Variants in PRKAR2B observed in about 807,000 individuals in gnomAD.
PRKAR2B encodes protein kinase cAMP-dependent type II regulatory subunit beta.
Under a neutral mutation model 49.9 loss-of-function variants are expected in PRKAR2B, and 14 were observed. The observed-to-expected ratio is 0.28, with a 90% CI of 0.19 to 0.44. The LOEUF (loss-of-function observed/expected upper bound fraction) is 0.44, where lower values mean the gene tolerates loss of function less well. PRKAR2B is among the 20% of genes least tolerant of loss of function. The probability of loss-of-function intolerance (pLI) is 1.00; values close to 1 mark genes in which losing one functional copy is unlikely to be tolerated. For synonymous variants in PRKAR2B, 196 were observed against 197.7 expected, an observed-to-expected ratio of 0.99 and a Z score of 0.07; for missense variants, 393 against 537.9, an observed-to-expected ratio of 0.73 and a Z score of 2.67.
chr7:107,125,771 G>A (rs1795470933), intron 3 of PRKAR2B, among the ~76,000 whole-genome samples: 1 of 151,966 alleles, frequency 6.6e-6, no homozygotes, highest in African/African-American at 2.4e-5. Flanking sequence ...TGGAGGTGGG[G>A]CTGAGAAAAA....
In PRKAR2B at chr7:107,044,876, G is replaced by A; in HGVS notation, c.-32G>A. 1 of 1,554,672 alleles carries A rather than the reference G, an allele frequency of 6.4e-7. No homozygotes were observed. The highest frequency in any genetic ancestry group is 1.2e-5 in the South Asian group (1 of 85,118). ...GCCGTGCCGGGGAGGGGGCGAGGGCGGCGCCCAGGCGCCTGCCGCCCCGGA... is the reference window on the plus strand; with the variant it reads ...GCCGTGCCGGGGAGGGGGCGAGGGCAGCGCCCAGGCGCCTGCCGCCCCGGA... On this transcript the variant is annotated 5_prime_UTR_variant, in exon 1 of 11. Coordinates refer to ENST00000265717, the MANE Select transcript of PRKAR2B (RefSeq NM_002736.3).
intron 2 of PRKAR2B, among the ~76,000 whole-genome samples, chr7:107,114,240 G>T (rs1795225292): frequency 6.6e-6 from 1 of 151,636 alleles, no homozygotes; most frequent in South Asian, 2.1e-4. Flanking sequence ...CTGACATAGG[G>T]TATTGTTTTT....
intron 2 of PRKAR2B, among the ~76,000 whole-genome samples, chr7:107,100,802 G>T (rs973802577): frequency 6.8e-6 from 1 of 146,634 alleles, no homozygotes; most frequent in African/African-American, 2.5e-5. Context: ...CAGTTATTGT[G>T]CTTTTTAACT....
At chr7:107,095,688 G>A (rs145318827) in intron 2 of PRKAR2B, among the ~76,000 whole-genome samples, 6,873 of 152,228 alleles carry the variant, frequency 0.045, 513 homozygotes, top group African/African-American at 0.15. Flanking sequence ...TCAGTACCTA[G>A]TTTATTGAGA....
At chr7:107,130,013 A>C (rs1455555468) in intron 4 of PRKAR2B, among the ~76,000 whole-genome samples, 1 of 152,042 alleles carries the variant, frequency 6.6e-6, no homozygotes, top group Non-Finnish European at 1.5e-5. Context: ...TGCCTTAACC[A>C]TCTGGGAATG....
At chr7:107,090,263 C>G (rs1794711812) in intron 2 of PRKAR2B, among the ~76,000 whole-genome samples, 1 of 152,192 alleles carries the variant, frequency 6.6e-6, no homozygotes, top group Non-Finnish European at 1.5e-5. Context: ...CTGATTCTCT[C>G]TTGCGGCCAG....
intron 5 of PRKAR2B, among the ~76,000 whole-genome samples, chr7:107,143,305 C>T (rs1309961889): frequency 6.6e-6 from 1 of 152,208 alleles, no homozygotes; most frequent in Admixed American, 6.5e-5. Context: ...AACATGATGG[C>T]ACAAGTGGAA....
In PRKAR2B at chr7:107,156,419, C is replaced by T. The variant is rs566417218; in HGVS notation, c.919-565C>T. Among the ~76,000 whole-genome samples, 4 of 152,050 alleles carry T rather than the reference C, an allele frequency of 2.6e-5. No homozygotes were observed. The South Asian group carries it at 8.3e-4, about 32-fold the overall frequency. On this transcript the variant is annotated intron_variant, in intron 8 of 10. Transcript: ENST00000265717. ...CACCACTGCACTCCAGCCTGGGTGA[C>T]AGAGCGAGACTCCATCTTGGGGGGG...
intron 1 of PRKAR2B, among the ~76,000 whole-genome samples, chr7:107,053,601 A>G (rs1332287551): frequency 6.6e-6 from 1 of 150,998 alleles, no homozygotes; most frequent in Non-Finnish European, 1.5e-5. Context: ...CGGTAAGTTA[A>G]TTGACTCAAC....
At chr7:107,059,957 G>A (rs996043024) in intron 1 of PRKAR2B, among the ~76,000 whole-genome samples, 1 of 152,068 alleles carries the variant, frequency 6.6e-6, no homozygotes, top group Non-Finnish European at 1.5e-5. Flanking sequence ...GAATGCAGGA[G>A]CAAATACGAG....
intron 5 of PRKAR2B, among the ~76,000 whole-genome samples, chr7:107,141,641 G>A (rs12055946): frequency 0.089 from 13,616 of 152,178 alleles, 669 homozygotes; most frequent in Middle Eastern, 0.17. Context: ...GCAGTGAGCC[G>A]ATACTGCACC....
At chr7:107,143,984 G>A (rs1429193147) in intron 5 of PRKAR2B, among the ~76,000 whole-genome samples, 2 of 151,966 alleles carry the variant, frequency 1.3e-5, no homozygotes, top group Non-Finnish European at 2.9e-5. Context: ...TTATCCATGG[G>A]ACAAATTCTA....
At position 107,044,807 on chromosome 7, in the gene PRKAR2B, G is replaced by A; in HGVS notation, c.-101G>A. On this transcript the variant is annotated 5_prime_UTR_variant, in exon 1 of 11. Transcript: ENST00000265717. ...GTGCGCCGCGCTCGCAGCCGGTAGC[G>A]CGCCAGCGCCGTAGGCGCTCGCTCG... The A allele has an allele frequency of 2.1e-6, 2 of 942,944 alleles. No homozygotes were observed. Among genetic ancestry groups the A allele is most frequent in the Non-Finnish European group, 2.7e-6 (2 of 737,252 alleles). 58.4% of individuals were successfully genotyped at this position (942,944 alleles called of 1,614,324 possible).
Position 107,128,303 on chromosome 7 carries a change from A to G in PRKAR2B, c.480+8A>G. The G allele has an allele frequency of 6.3e-7, 1 of 1,586,530 alleles. No homozygotes were observed. The highest frequency in any genetic ancestry group is 8.7e-7 in the Non-Finnish European group (1 of 1,154,976). On this transcript the variant is annotated splice_region_variant and intron_variant, in intron 4 of 10. Coordinates refer to ENST00000265717, the MANE Select transcript of PRKAR2B (RefSeq NM_002736.3). ...TTTAAGAATCTGGATCCGGTAAGAT[A>G]AATCTTAATAATAGAAATGGCTTTG...
chr7:107,056,772 G>A lies in PRKAR2B; in HGVS notation c.307+11558G>A, dbSNP rs542602186. On this transcript the variant is annotated intron_variant, in intron 1 of 10. Transcript: ENST00000265717. Reference sequence around the variant, plus strand: ...TCTCCTAGTAATGTTTTACATTACTGTATTTTAAGATGTTTCATAAAATAT... The same window carrying A: ...TCTCCTAGTAATGTTTTACATTACTATATTTTAAGATGTTTCATAAAATAT... 2.6e-5 allele frequency among the ~76,000 whole-genome samples: 4 copies of A among 152,270 alleles called. No homozygotes were observed. The East Asian group carries it at 7.7e-4, about 29-fold the overall frequency.
intron 4 of PRKAR2B, among the ~76,000 whole-genome samples, chr7:107,136,547 A>T (rs1371904315): frequency 6.6e-6 from 1 of 152,232 alleles, no homozygotes; most frequent in Non-Finnish European, 1.5e-5. Flanking sequence ...GCACACAAGC[A>T]TATGAAAAGA....
intron 2 of PRKAR2B, among the ~76,000 whole-genome samples, chr7:107,100,227 A>G (rs1415123033): frequency 6.6e-6 from 1 of 152,154 alleles, no homozygotes; most frequent in Non-Finnish European, 1.5e-5. Flanking sequence ...CTATCTGGAC[A>G]TGAGTTCATT....
At chr7:107,135,816 A>T (rs556446171) in intron 4 of PRKAR2B, among the ~76,000 whole-genome samples, 5 of 152,290 alleles carry the variant, frequency 3.3e-5, no homozygotes, top group East Asian at 3.9e-4. Context: ...TGTAGATTCA[A>T]TGCAGTCCCA....
intron 5 of PRKAR2B, among the ~76,000 whole-genome samples, chr7:107,143,196 C>T (rs540013001): frequency 2.4e-4 from 37 of 152,302 alleles, no homozygotes; most frequent in Middle Eastern, 3.4e-3. Flanking sequence ...ACAGTTTCAG[C>T]GCAAAAGTAT....
Sources: allele counts gnomAD v4.1 joint callset (sites outside exome capture counted in the v4.1 genomes callset), GRCh38; gene constraint gnomAD v4.1.1; transcripts MANE v1.5; gene names NCBI Gene and HGNC (gene_info 2026-07-23, HGNC 2026-07-21).